PARD3: variants seen among roughly 807,000 people sequenced by gnomAD.
The protein encoded by PARD3 is partitioning defective 3 homolog.
In PARD3, 75 loss-of-function variants were observed where a neutral mutation model predicts 155.4. The observed-to-expected ratio is 0.48, with a 90% CI of 0.40 to 0.58. The LOEUF (loss-of-function observed/expected upper bound fraction) is 0.58. Ranked by LOEUF, PARD3 falls within the 20% of genes least tolerant of loss-of-function variation. The probability of loss-of-function intolerance (pLI) is 0.00; values close to 1 mark genes in which losing one functional copy is unlikely to be tolerated. For synonymous variants in PARD3, 576 were observed against 610.5 expected, an observed-to-expected ratio of 0.94 and a Z score of 0.83; for missense variants, 1,642 against 1,721.7, an observed-to-expected ratio of 0.95 and a Z score of 0.82.
intron 2 of PARD3, among the ~76,000 whole-genome samples, chr10:34,681,185 T>C (rs959456299): frequency 1.3e-5 from 2 of 152,158 alleles, no homozygotes; most frequent in Non-Finnish European, 2.9e-5. Context: ...GACTGAGTAA[T>C]TTTATATCTG....
chr10:34,426,667 C>T (rs2075623194), intron 5 of PARD3: 1 of 152,054 alleles, frequency 6.6e-6, no homozygotes, highest in Non-Finnish European at 1.5e-5. Flanking sequence ...AATGAATGTC[C>T]TTTTTCTTCA....
intron 4 of PARD3, among the ~76,000 whole-genome samples, chr10:34,460,613 A>G (rs923833800): frequency 5.9e-5 from 9 of 151,844 alleles, no homozygotes; most frequent in African/African-American, 2.2e-4. Context: ...GCGGGTGGAT[A>G]ACGAGGTCAG....
chr10:34,712,055 G>A (rs951405401), intron 1 of PARD3, among the ~76,000 whole-genome samples: 1 of 152,188 alleles, frequency 6.6e-6, no homozygotes, highest in Non-Finnish European at 1.5e-5. Context: ...TTAGGCAGAA[G>A]AAGTGAGCTT....
At chr10:34,400,341 T>C (rs1372781186) in intron 6 of PARD3, among the ~76,000 whole-genome samples, 1 of 152,202 alleles carries the variant, frequency 6.6e-6, no homozygotes, top group African/African-American at 2.4e-5. Flanking sequence ...CGTTACATAA[T>C]GTATGGATTT....
At chr10:34,796,880 G>T (rs1296589618) in intron 1 of PARD3, among the ~76,000 whole-genome samples, 1 of 152,214 alleles carries the variant, frequency 6.6e-6, no homozygotes, top group African/African-American at 2.4e-5. Context: ...AGCTACTCGG[G>T]AGGCTGATGC....
chr10:34,426,915 AC>A (rs1554854374), intron 5 of PARD3, among the ~76,000 whole-genome samples: 2 of 152,196 alleles, frequency 1.3e-5, no homozygotes, highest in Non-Finnish European at 2.9e-5. Context: ...ATAATTTCTT[AC>A]ACCTGTCTTT....
chr10:34,769,964 C>A (rs1838661085), intron 1 of PARD3, among the ~76,000 whole-genome samples: 1 of 152,038 alleles, frequency 6.6e-6, no homozygotes, highest in Non-Finnish European at 1.5e-5. Context: ...TCTAGTACAC[C>A]CTTACCATCA....
At chr10:34,501,433 C>T (rs927322157) in intron 3 of PARD3, among the ~76,000 whole-genome samples, 1 of 152,064 alleles carries the variant, frequency 6.6e-6, no homozygotes, top group African/African-American at 2.4e-5. Context: ...ATGCCAATGG[C>T]ATGCTTCCTA....
intron 3 of PARD3, among the ~76,000 whole-genome samples, chr10:34,474,940 A>G (rs1264398112): frequency 6.6e-6 from 1 of 152,212 alleles, no homozygotes; most frequent in Non-Finnish European, 1.5e-5. Context: ...GAGACATCCA[A>G]ATTTCAGAAA....
chr10:34,704,942 T>C (rs2094340903), intron 1 of PARD3, among the ~76,000 whole-genome samples: 1 of 152,216 alleles, frequency 6.6e-6, no homozygotes, highest in Non-Finnish European at 1.5e-5. Context: ...CCCCTCAGAC[T>C]TCTAAAACAC....
chr10:34,577,874 A>G (rs1459090913), intron 2 of PARD3, among the ~76,000 whole-genome samples: 1 of 151,130 alleles, frequency 6.6e-6, no homozygotes, highest in African/African-American at 2.4e-5. Flanking sequence ...TTAAACAGAC[A>G]GGGGTCTCAC....
At chr10:34,406,800 G>GA (rs369654163) in intron 5 of PARD3, among the ~76,000 whole-genome samples, 17,242 of 143,072 alleles carry the variant, frequency 0.12, 1,219 homozygotes, top group Non-Finnish European at 0.16. Context: ...AAAGCAACAT[G>GA]AAAAAAAAAA....
chr10:34,652,899 AT>A (rs2093055458), intron 2 of PARD3, among the ~76,000 whole-genome samples: 1 of 152,202 alleles, frequency 6.6e-6, no homozygotes, highest in East Asian at 1.9e-4. Flanking sequence ...AAAAATTTGC[AT>A]TTCAAATAAA....
At chr10:34,239,125 A>G (rs1953420864) in intron 22 of PARD3, among the ~76,000 whole-genome samples, 1 of 152,234 alleles carries the variant, frequency 6.6e-6, no homozygotes, top group African/African-American at 2.4e-5. Flanking sequence ...GATTTGTTTT[A>G]AGTTAAATCG....
At chr10:34,346,994 A>G (rs1393200683) in intron 15 of PARD3, among the ~76,000 whole-genome samples, 6 of 152,228 alleles carry the variant, frequency 3.9e-5, no homozygotes. Flanking sequence ...TATATACACA[A>G]TGTCTTGCCA....
chr10:34,743,350 G>A (rs941831593), intron 1 of PARD3, among the ~76,000 whole-genome samples: 1 of 152,196 alleles, frequency 6.6e-6, no homozygotes, highest in African/African-American at 2.4e-5. Context: ...ACACAGCTTT[G>A]TCATCTTGGG....
chr10:34,595,434 T>C (rs1024706861), intron 2 of PARD3, among the ~76,000 whole-genome samples: 4 of 152,240 alleles, frequency 2.6e-5, no homozygotes, highest in Admixed American at 6.5e-5. Flanking sequence ...AAGTCTACTA[T>C]AAAATGTGAC....
chr10:34,607,184 T>C (rs2090534365), intron 2 of PARD3, among the ~76,000 whole-genome samples: 1 of 152,036 alleles, frequency 6.6e-6, no homozygotes, highest in Admixed American at 6.6e-5. Flanking sequence ...CTTCACCCTA[T>C]CCCACCCACA....
chr10:34,340,893 C>T (rs1337656921), intron 16 of PARD3, among the ~76,000 whole-genome samples: 1 of 152,064 alleles, frequency 6.6e-6, no homozygotes, highest in East Asian at 1.9e-4. Context: ...AGAGAAAGGG[C>T]AATGAGAAAA....
Sources: gnomAD v4.1 joint callset for allele counts (sites outside exome capture counted in the v4.1 genomes callset) on GRCh38, gnomAD v4.1.1 for gene constraint, MANE v1.5 for transcripts, NCBI Gene and HGNC (gene_info 2026-07-23, HGNC 2026-07-21) for gene names.